Variants in PKHD1 observed in about 807,000 individuals in gnomAD.
The protein encoded by PKHD1 is fibrocystin.
PKHD1 carries 291 observed loss-of-function variants against 412.0 expected under a neutral mutation model. The ratio of observed to expected loss-of-function variants is 0.71; its 90% CI spans 0.64 to 0.78. The LOEUF (loss-of-function observed/expected upper bound fraction) is 0.78. PKHD1 is among the 30% of genes least tolerant of loss of function. The pLI is 0.00. For missense variants in PKHD1, 4,825 were observed against 4,950.7 expected, an observed-to-expected ratio of 0.97 and a Z score of 0.76; for synonymous variants, 1,777 against 1,821.5, an observed-to-expected ratio of 0.98 and a Z score of 0.62.
intron 36 of PKHD1, among the ~76,000 whole-genome samples, chr6:51,950,220 A>AAAAAAAAAAAAAAAAAAAAAATATATAT: frequency 1.0e-5 from 1 of 98,328 alleles, no homozygotes; most frequent in African/African-American, 3.8e-5. Context: ...GAAAAAAAAA[A>AAAAAAAAAAAAAAAAAAAAAATATATAT]ATATATATAT....
intron 49 of PKHD1, among the ~76,000 whole-genome samples, chr6:51,852,450 T>C (rs953384121): frequency 2.6e-5 from 4 of 152,180 alleles, no homozygotes; most frequent in Non-Finnish European, 4.4e-5. Context: ...AAGTCCTGCA[T>C]ATCCTTGTTA....
intron 52 of PKHD1, among the ~76,000 whole-genome samples, chr6:51,804,966 T>C (rs1014524191): frequency 1.3e-4 from 19 of 150,950 alleles, no homozygotes; most frequent in Admixed American, 6.6e-4. Flanking sequence ...TGGAAAAAAG[T>C]TTGGTGATTT....
At chr6:51,930,896 G>T (rs1786465917) in intron 37 of PKHD1, among the ~76,000 whole-genome samples, 1 of 152,114 alleles carries the variant, frequency 6.6e-6, no homozygotes, top group African/African-American at 2.4e-5. Flanking sequence ...GAGAAGAGAA[G>T]ATGCCTGGGA....
intron 24 of PKHD1, among the ~76,000 whole-genome samples, chr6:52,045,723 C>T (rs1805696632): frequency 6.6e-6 from 1 of 152,174 alleles, no homozygotes; most frequent in Non-Finnish European, 1.5e-5. Context: ...TATCCAATAA[C>T]AGATGTAGAA....
At chr6:51,918,273 C>T (rs756573863) in intron 37 of PKHD1, among the ~76,000 whole-genome samples, 6 of 151,880 alleles carry the variant, frequency 4.0e-5, no homozygotes, top group African/African-American at 7.3e-5. Flanking sequence ...TAGGTATACA[C>T]GTGCCATGGT....
At chr6:51,919,353 C>G (rs1423998834) in intron 37 of PKHD1, among the ~76,000 whole-genome samples, 1 of 152,140 alleles carries the variant, frequency 6.6e-6, no homozygotes, top group African/African-American at 2.4e-5. Context: ...ATATGGCTAG[C>G]CAGTTTTCCC....
At chr6:51,919,556 G>T (rs1784368563) in intron 37 of PKHD1, among the ~76,000 whole-genome samples, 1 of 152,214 alleles carries the variant, frequency 6.6e-6, no homozygotes, top group African/African-American at 2.4e-5. Flanking sequence ...TTGAAGTCAG[G>T]TAGCATGATG....
At chr6:51,957,844 A>G (rs1387565100) in intron 36 of PKHD1, among the ~76,000 whole-genome samples, 1 of 152,090 alleles carries the variant, frequency 6.6e-6, no homozygotes, top group Non-Finnish European at 1.5e-5. Flanking sequence ...TGACACCAAG[A>G]TTACCCCAGT....
intron 33 of PKHD1, among the ~76,000 whole-genome samples, chr6:52,018,735 G>A (rs1208945947): frequency 6.6e-6 from 1 of 152,090 alleles, no homozygotes; most frequent in Non-Finnish European, 1.5e-5. Flanking sequence ...GGCTGATCTT[G>A]AATTCCTGAG....
At chr6:51,858,335 G>A (rs1773630210) in intron 48 of PKHD1, among the ~76,000 whole-genome samples, 1 of 152,140 alleles carries the variant, frequency 6.6e-6, no homozygotes, top group Non-Finnish European at 1.5e-5. Flanking sequence ...TGGAAACCAT[G>A]AGTCCCATAA....
At chr6:51,872,284 AAG>A (rs1330487624) in intron 46 of PKHD1, among the ~76,000 whole-genome samples, 1 of 152,224 alleles carries the variant, frequency 6.6e-6, no homozygotes, top group Non-Finnish European at 1.5e-5. Flanking sequence ...TGTTTAGAAA[AAG>A]AGCCACAGCA....
intron 60 of PKHD1, among the ~76,000 whole-genome samples, chr6:51,671,650 TGC>T (rs1775001319): frequency 6.6e-6 from 1 of 152,194 alleles, no homozygotes; most frequent in Admixed American, 6.5e-5. Flanking sequence ...CCAGTTTCTG[TGC>T]TCTGTTTTTT....
intron 27 of PKHD1, 32 bp from the exon 28 acceptor site, chr6:52,035,753 C>A: frequency 1.2e-6 from 2 of 1,609,786 alleles, no homozygotes; most frequent in South Asian, 2.2e-5. Context: ...CAAATGGGAT[C>A]ACCAACCATA....
chr6:51,772,629 T>C (rs896817458), intron 55 of PKHD1, 73 bp downstream of exon 55: 3 of 742,580 alleles, frequency 4.0e-6, no homozygotes, highest in Non-Finnish European at 7.1e-6. Flanking sequence ...AGTTTCATAT[T>C]GTAACAAAAT....
intron 49 of PKHD1, among the ~76,000 whole-genome samples, chr6:51,854,517 T>C (rs973684646): frequency 2.0e-5 from 3 of 152,128 alleles, no homozygotes; most frequent in African/African-American, 7.2e-5. Flanking sequence ...TCCTCAGAAC[T>C]ATCAGGAGGA....
intron 46 of PKHD1, among the ~76,000 whole-genome samples, chr6:51,873,390 G>A (rs1453113883): frequency 1.3e-5 from 2 of 152,166 alleles, no homozygotes; most frequent in African/African-American, 4.8e-5. Flanking sequence ...GGGGTTGAAT[G>A]GGGGGACAAG....
intron 49 of PKHD1, among the ~76,000 whole-genome samples, chr6:51,851,516 C>T (rs1208659415): frequency 1.3e-5 from 2 of 152,162 alleles, no homozygotes; most frequent in Admixed American, 6.5e-5. Context: ...AGCTGTGAAT[C>T]CATCTAGTCC....
chr6:52,067,806 C>G (rs1444205335), intron 11 of PKHD1, among the ~76,000 whole-genome samples: 2 of 152,042 alleles, frequency 1.3e-5, no homozygotes, highest in Non-Finnish European at 2.9e-5. Flanking sequence ...AGGAGGAGGT[C>G]AGAAGTTTGC....
Position 51,659,719 on chromosome 6 carries a change from G to A in PKHD1, c.10407C>T (p.Thr3469=). ...FYSILPIRQI[T]KVCFMDQTPQ... ...GAGTTTGATCCATGAAGCAGACTTT[G>A]GTGATTTGCCTGATGGGTAAGATAG... is the stretch of plus-strand genomic sequence containing the variant. Residue 3469 remains threonine, a synonymous_variant, in exon 61 of 67, where the codon ACC becomes ACT. Transcript: ENST00000371117. 1 of 1,613,828 alleles carries A rather than the reference G, an allele frequency of 6.2e-7. No individual in the cohort carries two copies. The highest frequency in any genetic ancestry group is 8.5e-7 in the Non-Finnish European group (1 of 1,179,856).
Sources: allele counts gnomAD v4.1 joint callset (sites outside exome capture counted in the v4.1 genomes callset), GRCh38; gene constraint gnomAD v4.1.1; transcripts MANE v1.5; gene names NCBI Gene and HGNC (gene_info 2026-07-23, HGNC 2026-07-21).